Variants in SPIRE1 observed in about 807,000 individuals in gnomAD.
SPIRE1 encodes protein spire homolog 1.
SPIRE1 carries 40 observed loss-of-function variants against 94.1 expected under a neutral mutation model. The ratio of observed to expected loss-of-function variants is 0.43; its 90% CI spans 0.33 to 0.55. The LOEUF is 0.55. Among genes scored for constraint, SPIRE1 ranks in the 20% least tolerant of loss-of-function variants. The pLI is 0.06. For missense variants in SPIRE1, 838 were observed against 975.2 expected, an observed-to-expected ratio of 0.86 and a Z score of 1.87; for synonymous variants, 376 against 371.7, an observed-to-expected ratio of 1.01 and a Z score of -0.13.
At chr18:12,525,276 C>CAAAAAAAAAAAAAAAA (rs1170791088) in intron 4 of SPIRE1, among the ~76,000 whole-genome samples, 1 of 71,498 alleles carries the variant, frequency 1.4e-5, no homozygotes, top group Non-Finnish European at 2.7e-5. Context: ...GACTCCGTCT[C>CAAAAAAAAAAAAAAAA]AAAAAAAAAA....
At chr18:12,573,581 CTG>C (rs978717834) in intron 2 of SPIRE1, among the ~76,000 whole-genome samples, 4 of 152,178 alleles carry the variant, frequency 2.6e-5, no homozygotes, top group South Asian at 2.1e-4. Flanking sequence ...GGTAAACAAA[CTG>C]TGGTAAATCC....
rs372290814 is a variant in SPIRE1 at position 12,612,804 on chromosome 18, ATCTC to A, written c.372+22254_372+22257del. On this transcript the variant is annotated intron_variant, in intron 2 of 16. Coordinates refer to ENST00000409402, the MANE Select transcript of SPIRE1 (RefSeq NM_001128626.2). The stretch of plus-strand genomic sequence containing the variant: ...CCCACCTCCAGGCCTGCCAATACTG[ATCTC>A]TCTGTCTGAAATGCTCTTCCCCCAG... 1.3e-4 allele frequency among the ~76,000 whole-genome samples: 20 copies of A among 152,144 alleles called. No homozygotes were observed. In the East Asian group the frequency reaches 1.9e-3, roughly 15 times the overall value.
At chr18:12,622,421 CTTT>C (rs71371281) in intron 2 of SPIRE1, among the ~76,000 whole-genome samples, 11 of 114,852 alleles carry the variant, frequency 9.6e-5, no homozygotes, top group African/African-American at 3.4e-4. Context: ...TATGTCCAGT[CTTT>C]TTTTTTTTTT....
chr18:12,654,193 T>C (rs12970939), intron 1 of SPIRE1, among the ~76,000 whole-genome samples: 10,899 of 149,502 alleles, frequency 0.073, 560 homozygotes, highest in Non-Finnish European at 0.1. Flanking sequence ...AAAAATTAGC[T>C]GGGCATGGTG....
intron 4 of SPIRE1, among the ~76,000 whole-genome samples, chr18:12,528,412 C>A (rs1436660535): frequency 6.6e-6 from 1 of 152,150 alleles, no homozygotes; most frequent in Admixed American, 6.5e-5. Flanking sequence ...AAAAGCATTT[C>A]AGAATAGTAG....
intron 8 of SPIRE1, among the ~76,000 whole-genome samples, chr18:12,491,565 C>G (rs1254942063): frequency 6.6e-6 from 1 of 151,924 alleles, no homozygotes; most frequent in Non-Finnish European, 1.5e-5. Context: ...GGTGCAATCA[C>G]AGCTCACTAC....
upstream of SPIRE1, chr18:12,661,982 T>G (rs1409291692): frequency 3.9e-6 from 1 of 255,102 alleles, no homozygotes; most frequent in Non-Finnish European, 8.0e-6. Context: ...TTTTGTTACT[T>G]TATTAAAAAT....
intron 2 of SPIRE1, among the ~76,000 whole-genome samples, chr18:12,564,422 T>C (rs1312426154): frequency 6.6e-6 from 1 of 152,158 alleles, no homozygotes; most frequent in African/African-American, 2.4e-5. Flanking sequence ...AAAACACATG[T>C]ATAAGGCAAA....
chr18:12,555,930 A>G (rs2035491428), intron 2 of SPIRE1, among the ~76,000 whole-genome samples: 1 of 152,172 alleles, frequency 6.6e-6, no homozygotes, highest in African/African-American at 2.4e-5. Flanking sequence ...CCTAAATCTG[A>G]ACCCCTCCCG....
At chr18:12,536,826 G>A (rs1042347195) in intron 3 of SPIRE1, among the ~76,000 whole-genome samples, 4 of 152,110 alleles carry the variant, frequency 2.6e-5, no homozygotes, top group South Asian at 2.1e-4. Context: ...TTGTATCCAC[G>A]TACAATCATT....
chr18:12,613,601 T>G (rs2037203857), intron 2 of SPIRE1, among the ~76,000 whole-genome samples: 1 of 152,182 alleles, frequency 6.6e-6, no homozygotes, highest in South Asian at 2.1e-4. Context: ...AATAGCTCAT[T>G]AATAATTTTC....
At chr18:12,641,882 G>GA (rs1266477761) in intron 1 of SPIRE1, among the ~76,000 whole-genome samples, 4 of 147,136 alleles carry the variant, frequency 2.7e-5, no homozygotes, top group African/African-American at 7.6e-5. Context: ...GCCCAGGCTG[G>GA]AGTGCAGTGC....
intron 5 of SPIRE1, among the ~76,000 whole-genome samples, chr18:12,507,292 C>T (rs559721859): frequency 1.3e-5 from 2 of 152,326 alleles, no homozygotes; most frequent in South Asian, 2.1e-4. Context: ...CTATTTGACA[C>T]GGAGCAAGTT....
At chr18:12,534,537 T>C (rs191002321) in intron 4 of SPIRE1, among the ~76,000 whole-genome samples, 9 of 152,264 alleles carry the variant, frequency 5.9e-5, no homozygotes, top group South Asian at 2.1e-4. Flanking sequence ...TCAGTTTAGG[T>C]GGGCACCATC....
chr18:12,596,583 C>T (rs561335369), intron 2 of SPIRE1, among the ~76,000 whole-genome samples: 1 of 152,238 alleles, frequency 6.6e-6, no homozygotes, highest in Admixed American at 6.5e-5. Context: ...ACACAAGATC[C>T]TCACTGTGAA....
upstream of SPIRE1, chr18:12,661,265 G>A (rs1392474723): frequency 8.0e-6 from 4 of 502,726 alleles, no homozygotes; most frequent in Non-Finnish European, 1.0e-5. Context: ...CCGAGATCAC[G>A]CCATTGCACC....
intron 1 of SPIRE1, among the ~76,000 whole-genome samples, chr18:12,656,420 A>C (rs2038539389): frequency 6.6e-6 from 1 of 152,228 alleles, no homozygotes; most frequent in African/African-American, 2.4e-5. Context: ...AAAAGCATGT[A>C]AATAAAAATG....
chr18:12,539,331 A>G (rs1040744179), intron 3 of SPIRE1, among the ~76,000 whole-genome samples: 2 of 152,124 alleles, frequency 1.3e-5, no homozygotes, highest in African/African-American at 4.8e-5. Context: ...GTTTCCCTGC[A>G]CAAGCTCTTT....
chr18:12,475,013 C>T (rs906630073), intron 10 of SPIRE1, among the ~76,000 whole-genome samples: 4 of 152,140 alleles, frequency 2.6e-5, no homozygotes, highest in Non-Finnish European at 5.9e-5. Flanking sequence ...GCTCATGGTG[C>T]AACGTCAGCC....
Sources: allele counts gnomAD v4.1 joint callset (sites outside exome capture counted in the v4.1 genomes callset), GRCh38; gene constraint gnomAD v4.1.1; transcripts MANE v1.5; gene names NCBI Gene and HGNC (gene_info 2026-07-23, HGNC 2026-07-21).